TATDN1: variants seen among roughly 807,000 people sequenced by gnomAD.
The protein encoded by TATDN1 is deoxyribonuclease TATDN1.
In TATDN1, 40 loss-of-function variants were observed where a neutral mutation model predicts 46.4. The observed-to-expected ratio is 0.86, with a 90% CI of 0.67 to 1.12. The LOEUF (loss-of-function observed/expected upper bound fraction) is 1.12, where lower values mean the gene tolerates loss of function less well. TATDN1 is among the 50% of genes most tolerant of loss of function. The pLI is 0.00. For missense variants in TATDN1, 326 were observed against 348.4 expected, an observed-to-expected ratio of 0.94 and a Z score of 0.51; for synonymous variants, 95 against 105.6, an observed-to-expected ratio of 0.90 and a Z score of 0.62.
intron 3 of TATDN1, among the ~76,000 whole-genome samples, chr8:124,519,771 T>C (rs973428372): frequency 6.6e-6 from 1 of 152,224 alleles, no homozygotes; most frequent in African/African-American, 2.4e-5. Context: ...CAAATAAGCA[T>C]ACTTCTGCAT....
chr8:124,515,146 C>G (rs565679263), intron 6 of TATDN1, among the ~76,000 whole-genome samples: 2 of 152,066 alleles, frequency 1.3e-5, no homozygotes, highest in Non-Finnish European at 2.9e-5. Context: ...TTTGGGAGGC[C>G]GAGGCGGGTG....
At chr8:124,500,681 CAA>C (rs753888537) in intron 9 of TATDN1, among the ~76,000 whole-genome samples, 2 of 99,610 alleles carry the variant, frequency 2.0e-5, no homozygotes, top group Admixed American at 1.1e-4. Context: ...GACCCTGTCT[CAA>C]AAAAAAAAAA....
intron 6 of TATDN1, among the ~76,000 whole-genome samples, chr8:124,512,004 C>T (rs6997810): frequency 0.068 from 10,367 of 152,212 alleles, 1,188 homozygotes; most frequent in African/African-American, 0.23. Flanking sequence ...GGTCATACAC[C>T]GCCTTCACTT....
intron 1 of TATDN1, among the ~76,000 whole-genome samples, chr8:124,527,745 T>C (rs1437869576): frequency 5.9e-5 from 9 of 151,862 alleles, no homozygotes; most frequent in East Asian, 3.8e-4. Context: ...GCAGCACCAA[T>C]AGCCAAATCT....
rs1819746716 is a variant in TATDN1, at chr8:124,518,647, A to G, written c.202+171T>C. 24 of 592,910 alleles carry G rather than the reference A, an allele frequency of 4.0e-5. No homozygotes were observed. In the East Asian group the frequency reaches 6.0e-4, roughly 15 times the overall value. The allele number at this position is 592,910 out of a possible 1,614,324, so 36.7% of individuals were successfully genotyped here. On this transcript the variant is annotated intron_variant, in intron 4 of 11. Transcript: ENST00000276692. The stretch of plus-strand genomic sequence containing the variant: ...AAACAGTTTTATAAACATCTGATAT[A>G]CCAATGAGTACTTTGAATTTTGTCA...
chr8:124,523,768 G>T (rs1388284126), intron 1 of TATDN1, among the ~76,000 whole-genome samples: 1 of 152,136 alleles, frequency 6.6e-6, no homozygotes, highest in African/African-American at 2.4e-5. Context: ...TCTGCAGGAG[G>T]TTCTGGAACC....
intron 9 of TATDN1, 106 bp downstream of exon 9, chr8:124,504,165 C>T: frequency 1.2e-6 from 1 of 854,330 alleles, no homozygotes; most frequent in Non-Finnish European, 1.8e-6. Flanking sequence ...AATGCAAACA[C>T]ACACAAACTT....
At chr8:124,506,334 C>CAAAAAAAAAAAAA (rs56023168) in intron 8 of TATDN1, among the ~76,000 whole-genome samples, 6 of 52,500 alleles carry the variant, frequency 1.1e-4, no homozygotes, top group East Asian at 5.8e-4. Flanking sequence ...GGCTCTGTCT[C>CAAAAAAAAAAAAA]AAAAAAAAAA....
At chr8:124,537,634 C>G (rs1023997656) in intron 1 of TATDN1, among the ~76,000 whole-genome samples, 12 of 152,168 alleles carry the variant, frequency 7.9e-5, no homozygotes, top group African/African-American at 2.9e-4. Context: ...GGTTGTATAA[C>G]ATAAACACAC....
chr8:124,510,369 T>C (rs1214362366), intron 6 of TATDN1, among the ~76,000 whole-genome samples: 2 of 152,186 alleles, frequency 1.3e-5, no homozygotes, highest in African/African-American at 4.8e-5. Flanking sequence ...CAGCAGGCGG[T>C]ACTCTTCATT....
chr8:124,535,123 T>C (rs142544312), intron 1 of TATDN1, among the ~76,000 whole-genome samples: 3 of 152,298 alleles, frequency 2.0e-5, no homozygotes, highest in African/African-American at 7.2e-5. Flanking sequence ...TCTAATCACA[T>C]GATGGGTTTT....
chr8:124,503,933 T>A, intron 9 of TATDN1: 1 of 1,303,446 alleles, frequency 7.7e-7, no homozygotes, highest in Non-Finnish European at 1.0e-6. Context: ...AGATATGACG[T>A]GTATATGTAT....
chr8:124,521,059 ATATTT>A (rs1325409868), intron 3 of TATDN1, among the ~76,000 whole-genome samples: 19 of 152,148 alleles, frequency 1.2e-4, no homozygotes, highest in Non-Finnish European at 2.6e-4. Context: ...TTTACACTCA[ATATTT>A]TATTTAGCCT....
intron 1 of TATDN1, chr8:124,526,914 C>T (rs1386175909): frequency 2.0e-5 from 3 of 152,052 alleles, no homozygotes; most frequent in East Asian, 1.9e-4. Context: ...ATAGCAAATA[C>T]GGGGGATTAG....
intron 1 of TATDN1, among the ~76,000 whole-genome samples, chr8:124,531,632 C>T (rs1820967951): frequency 6.6e-6 from 1 of 152,066 alleles, no homozygotes; most frequent in African/African-American, 2.4e-5. Context: ...ACATCGTCAA[C>T]CATTAGAAGA....
chr8:124,517,949 C>T (rs1363609484), intron 4 of TATDN1, among the ~76,000 whole-genome samples: 5 of 152,134 alleles, frequency 3.3e-5, no homozygotes, highest in African/African-American at 1.2e-4. Flanking sequence ...CGGTGGCTCA[C>T]GCCTGTAATC....
rs1819396289 is a variant in TATDN1, at chr8:124,515,669, ACT to A, written c.389+75_389+76del. On this transcript the variant is annotated intron_variant, in intron 6 of 11. Coordinates refer to ENST00000276692, the MANE Select transcript of TATDN1 (RefSeq NM_032026.4). ...ATATCCTCATGCTTAATCCAACTAT[ACT>A]CTCACCTGATACAAGATATTTTAAA... 7.8e-6 allele frequency: 11 copies of A among 1,404,010 alleles called. No individual in the cohort carries two copies. In the South Asian group the frequency reaches 1.3e-4, roughly 17 times the overall value. The allele number at this position is 1,404,010 out of a possible 1,614,324, so 87.0% of individuals were successfully genotyped here. A position where few individuals can be genotyped will look rare whatever the true frequency, so the allele number is the denominator to read the frequency against.
chr8:124,529,253 C>T (rs1820758646), intron 1 of TATDN1, among the ~76,000 whole-genome samples: 1 of 152,218 alleles, frequency 6.6e-6, no homozygotes, highest in Non-Finnish European at 1.5e-5. Flanking sequence ...GTCTCTCATA[C>T]TCCTAAATCC....
At chr8:124,508,854 T>C (rs1232458376) in intron 6 of TATDN1, among the ~76,000 whole-genome samples, 166 bp from the exon 7 acceptor site, 1 of 152,244 alleles carries the variant, frequency 6.6e-6, no homozygotes, top group African/African-American at 2.4e-5. Flanking sequence ...AGGGCTTTTA[T>C]AACTTACAAC....
Sources: gnomAD v4.1 joint callset for allele counts (sites outside exome capture counted in the v4.1 genomes callset) on GRCh38, gnomAD v4.1.1 for gene constraint, MANE v1.5 for transcripts, NCBI Gene and HGNC (gene_info 2026-07-23, HGNC 2026-07-21) for gene names.